TTLL11: variants seen among roughly 807,000 people sequenced by gnomAD.
TTLL11 encodes the protein tubulin polyglutamylase TTLL11.
A neutral mutation model predicts 51.7 loss-of-function variants in TTLL11; 42 were observed. That is an observed-to-expected ratio of 0.81 (90% CI 0.64 to 1.05). The LOEUF is 1.05. Ranked by LOEUF, TTLL11 falls within the 50% of genes least tolerant of loss-of-function variation. TTLL11 has a pLI of 0.00. For synonymous variants in TTLL11, 381 were observed against 383.5 expected (o/e 0.99, Z 0.08); for missense variants, 799 against 940.4 (o/e 0.85, Z 1.97).
At chr9:121,974,145 G>A (rs1478466277) in intron 5 of TTLL11, 21 bp from the exon 6 acceptor site, 1 of 1,528,258 alleles carries the variant, frequency 6.5e-7, no homozygotes, top group Admixed American at 2.0e-5. Context: ...TAAGGATTCT[G>A]TGTCACAGTG....
chr9:121,924,129 A>G (rs1349711109), intron 6 of TTLL11, among the ~76,000 whole-genome samples: 1 of 152,170 alleles, frequency 6.6e-6, no homozygotes, highest in Non-Finnish European at 1.5e-5. Context: ...AGTCTCAGGT[A>G]TGTCTTTATC....
intron 6 of TTLL11, among the ~76,000 whole-genome samples, chr9:121,971,030 C>T (rs1842533589): frequency 6.9e-6 from 1 of 145,370 alleles, no homozygotes; most frequent in African/African-American, 2.5e-5. Context: ...GGGGGGTCAG[C>T]CCCCCGCCCG....
chr9:121,881,329 A>C (rs1297642805), intron 6 of TTLL11, among the ~76,000 whole-genome samples: 1 of 152,192 alleles, frequency 6.6e-6, no homozygotes, highest in Non-Finnish European at 1.5e-5. Flanking sequence ...CTTTGCCTAG[A>C]CTGTAATTTC....
chr9:122,092,343 G>T (rs1258301646), intron 1 of TTLL11, among the ~76,000 whole-genome samples: 6 of 152,168 alleles, frequency 3.9e-5, no homozygotes, highest in African/African-American at 1.4e-4. Context: ...GAGAGAGCGG[G>T]TCCGGGGCCC....
At chr9:121,951,237 T>C (rs1014555315) in intron 6 of TTLL11, among the ~76,000 whole-genome samples, 2 of 152,222 alleles carry the variant, frequency 1.3e-5, no homozygotes, top group African/African-American at 4.8e-5. Flanking sequence ...AGAAGGATGG[T>C]CATTCGGATG....
At chr9:122,063,298 C>T (rs548027269) in intron 1 of TTLL11, among the ~76,000 whole-genome samples, 1 of 152,266 alleles carries the variant, frequency 6.6e-6, no homozygotes, top group African/African-American at 2.4e-5. Flanking sequence ...AAGACCCTTA[C>T]TTCAAAATCG....
At chr9:121,923,125 C>G (rs1450773958) in intron 6 of TTLL11, among the ~76,000 whole-genome samples, 1 of 152,154 alleles carries the variant, frequency 6.6e-6, no homozygotes, top group Non-Finnish European at 1.5e-5. Flanking sequence ...GATATTCATT[C>G]CCTTTAGCCC....
At chr9:121,961,495 C>A (rs938620690) in intron 6 of TTLL11, among the ~76,000 whole-genome samples, 1 of 152,058 alleles carries the variant, frequency 6.6e-6, no homozygotes, top group Non-Finnish European at 1.5e-5. Context: ...AAATTTACCC[C>A]CAAGAGTCTC....
intron 6 of TTLL11, among the ~76,000 whole-genome samples, chr9:121,938,212 C>T (rs1416282541): frequency 6.6e-6 from 1 of 150,652 alleles, no homozygotes; most frequent in Middle Eastern, 3.2e-3. Context: ...TCACTTGAAC[C>T]CGGGATGCAG....
At chr9:121,848,634 T>C (rs1006149017) in intron 8 of TTLL11, among the ~76,000 whole-genome samples, 1 of 152,214 alleles carries the variant, frequency 6.6e-6, no homozygotes, top group Admixed American at 6.5e-5. Flanking sequence ...ATTAAAAACA[T>C]ATTTGAAGTT....
intron 6 of TTLL11, among the ~76,000 whole-genome samples, chr9:121,973,441 TG>T (rs1842624199): frequency 6.6e-6 from 1 of 152,214 alleles, no homozygotes; most frequent in Non-Finnish European, 1.5e-5. Flanking sequence ...AAGCACTATG[TG>T]TGCAATGGTG....
intron 6 of TTLL11, among the ~76,000 whole-genome samples, chr9:121,880,977 A>G (rs767752357): frequency 1.2e-4 from 18 of 152,204 alleles, no homozygotes; most frequent in Non-Finnish European, 2.1e-4. Context: ...GGTTGCCAGC[A>G]TGAATCTTTT....
At chr9:121,943,552 T>A (rs994756128) in intron 6 of TTLL11, among the ~76,000 whole-genome samples, 2 of 152,244 alleles carry the variant, frequency 1.3e-5, no homozygotes, top group Non-Finnish European at 2.9e-5. Context: ...GACAAACTGC[T>A]ACATTTCTCA....
chr9:121,960,431 GC>G (rs1564327607), intron 6 of TTLL11, among the ~76,000 whole-genome samples: 1 of 152,074 alleles, frequency 6.6e-6, no homozygotes, highest in African/African-American at 2.4e-5. Flanking sequence ...TGCTCTGAGA[GC>G]CCCATGTCCT....
intron 3 of TTLL11, among the ~76,000 whole-genome samples, chr9:122,018,403 C>T (rs1005308909): frequency 5.9e-5 from 9 of 152,132 alleles, no homozygotes; most frequent in African/African-American, 2.2e-4. Context: ...TGAGCCACCG[C>T]GCCCGGCCAG....
At chr9:121,913,918 C>G (rs561920278) in intron 6 of TTLL11, among the ~76,000 whole-genome samples, 2 of 152,290 alleles carry the variant, frequency 1.3e-5, no homozygotes, top group South Asian at 4.2e-4. Context: ...GTTCTTCAGC[C>G]CCTGTGACAT....
intron 3 of TTLL11, among the ~76,000 whole-genome samples, chr9:122,010,941 T>C (rs757041684): frequency 1.3e-5 from 2 of 152,224 alleles, no homozygotes; most frequent in Non-Finnish European, 2.9e-5. Context: ...GGCATGGCAC[T>C]TGAACTCTCT....
chr9:121,868,554 GAGCAGCCCTCTTGTGACCATA>G (rs1838248548), intron 7 of TTLL11, among the ~76,000 whole-genome samples: 1 of 152,088 alleles, frequency 6.6e-6, no homozygotes. Context: ...GCTGGATTTT[GAGCAGCCCTCTTGTGACCATA>G]AGACAACCCT....
chr9:122,004,819 G>A (rs1307158906), intron 3 of TTLL11, among the ~76,000 whole-genome samples: 1 of 152,216 alleles, frequency 6.6e-6, no homozygotes, highest in Non-Finnish European at 1.5e-5. Flanking sequence ...GAGCCTCAGT[G>A]TACCTGCTCA....
Sources: gnomAD v4.1 joint callset for allele counts (sites outside exome capture counted in the v4.1 genomes callset) on GRCh38, gnomAD v4.1.1 for gene constraint, MANE v1.5 for transcripts, NCBI Gene and HGNC (gene_info 2026-07-23, HGNC 2026-07-21) for gene names.